CDH18: variants seen among roughly 807,000 people sequenced by gnomAD.
CDH18 encodes cadherin 18.
CDH18 carries 31 observed loss-of-function variants against 67.9 expected under a neutral mutation model. The observed-to-expected ratio is 0.46, with a 90% CI of 0.34 to 0.62. The LOEUF is 0.62. Ranked by LOEUF, CDH18 falls within the 20% of genes least tolerant of loss-of-function variation. CDH18 has a pLI of 0.01. For synonymous variants in CDH18, 362 were observed against 347.2 expected, an observed-to-expected ratio of 1.04 and a Z score of -0.48; for missense variants, 890 against 975.5, an observed-to-expected ratio of 0.91 and a Z score of 1.17.
chr5:20,228,003 AATTT>A (rs1362024483), intron 2 of CDH18, among the ~76,000 whole-genome samples: 1 of 152,122 alleles, frequency 6.6e-6, no homozygotes, highest in Non-Finnish European at 1.5e-5. Flanking sequence ...ATCATCAAAT[AATTT>A]ATTTATGTTA....
At chr5:20,470,979 T>C (rs902627538) in intron 1 of CDH18, among the ~76,000 whole-genome samples, 4 of 152,194 alleles carry the variant, frequency 2.6e-5, no homozygotes, top group African/African-American at 9.7e-5. Context: ...GATGCTCCTC[T>C]TCTTTTCAGC....
intron 2 of CDH18, among the ~76,000 whole-genome samples, chr5:20,032,792 A>G (rs553914464): frequency 6.6e-6 from 1 of 152,162 alleles, no homozygotes; most frequent in Non-Finnish European, 1.5e-5. Context: ...GAAAAAAATA[A>G]TAAGTTGTTG....
intron 2 of CDH18, among the ~76,000 whole-genome samples, chr5:20,251,052 T>C (rs901270626): frequency 6.6e-6 from 1 of 152,146 alleles, no homozygotes; most frequent in East Asian, 1.9e-4. Flanking sequence ...AGCTTTAACT[T>C]GTAAGATAAA....
chr5:20,040,148 A>T (rs1401731490), intron 2 of CDH18, among the ~76,000 whole-genome samples: 9 of 152,158 alleles, frequency 5.9e-5, no homozygotes, highest in Non-Finnish European at 1.5e-5. Context: ...ATCCACAAAG[A>T]AATACTGTCT....
chr5:19,482,962 T>C (rs1739716526), intron 12 of CDH18, among the ~76,000 whole-genome samples: 1 of 152,148 alleles, frequency 6.6e-6, no homozygotes, highest in Non-Finnish European at 1.5e-5. Flanking sequence ...CTTGGTCAGA[T>C]TCATTTAGAA....
intron 2 of CDH18, among the ~76,000 whole-genome samples, chr5:20,094,337 C>A (rs2150565180): frequency 6.6e-6 from 1 of 152,106 alleles, no homozygotes; most frequent in East Asian, 1.9e-4. Flanking sequence ...TGTTTTGGTA[C>A]CAGTACCATG....
intron 11 of CDH18, among the ~76,000 whole-genome samples, chr5:19,488,683 A>G (rs1447441932): frequency 3.3e-5 from 5 of 152,216 alleles, no homozygotes; most frequent in African/African-American, 7.2e-5. Flanking sequence ...TACTTGATTA[A>G]TAATGATTTG....
chr5:19,897,752 T>G (rs1157599746), intron 2 of CDH18, among the ~76,000 whole-genome samples: 1 of 152,106 alleles, frequency 6.6e-6, no homozygotes, highest in Non-Finnish European at 1.5e-5. Context: ...TAATTACAAC[T>G]ATATGCACCA....
chr5:19,558,401 G>A (rs1458685334), intron 8 of CDH18, among the ~76,000 whole-genome samples: 4 of 151,958 alleles, frequency 2.6e-5, no homozygotes, highest in Non-Finnish European at 5.9e-5. Context: ...GATCATTAGT[G>A]AGATTAACTA....
intron 8 of CDH18, among the ~76,000 whole-genome samples, chr5:19,562,894 A>G (rs1383467699): frequency 2.6e-5 from 4 of 152,280 alleles, no homozygotes; most frequent in African/African-American, 7.2e-5. Flanking sequence ...AGAAATGTTG[A>G]TTCAGGGACT....
intron 2 of CDH18, among the ~76,000 whole-genome samples, chr5:20,227,056 C>CT (rs1245766873): frequency 6.6e-6 from 1 of 152,034 alleles, no homozygotes; most frequent in Non-Finnish European, 1.5e-5. Flanking sequence ...ATTTTCACCT[C>CT]TTTTTTTGCC....
chr5:20,039,560 G>C (rs188778299), intron 2 of CDH18, among the ~76,000 whole-genome samples: 7 of 152,198 alleles, frequency 4.6e-5, no homozygotes, highest in Non-Finnish European at 8.8e-5. Flanking sequence ...ACAATGATCT[G>C]ATCTTTGACA....
At chr5:19,680,101 A>T (rs1760068650) in intron 5 of CDH18, among the ~76,000 whole-genome samples, 1 of 152,016 alleles carries the variant, frequency 6.6e-6, no homozygotes, top group African/African-American at 2.4e-5. Context: ...TACATAGACC[A>T]ATGGAAAAGA....
intron 1 of CDH18, among the ~76,000 whole-genome samples, chr5:20,447,271 CA>C (rs1429195730): frequency 6.6e-6 from 1 of 151,760 alleles, no homozygotes; most frequent in Non-Finnish European, 1.5e-5. Flanking sequence ...CTCCAAAATT[CA>C]AATGTTGAAA....
intron 2 of CDH18, among the ~76,000 whole-genome samples, chr5:20,091,413 C>A (rs945113609): frequency 1.3e-5 from 2 of 152,044 alleles, no homozygotes; most frequent in Non-Finnish European, 2.9e-5. Context: ...ATTTCTTGAG[C>A]CCAGGAGTTT....
chr5:19,646,104 G>A (rs960206424), intron 5 of CDH18, among the ~76,000 whole-genome samples: 3 of 152,050 alleles, frequency 2.0e-5, no homozygotes, highest in Non-Finnish European at 4.4e-5. Context: ...TTAGATTCAG[G>A]ATGTATAATA....
In CDH18 at chr5:19,612,429, C is replaced by T. The variant is rs1749127093; in HGVS notation, c.811+5G>A. 3.1e-6 allele frequency: 5 copies of T among 1,613,044 alleles called. No individual in the cohort carries two copies. Among genetic ancestry groups the T allele is most frequent in the South Asian group, 1.1e-5 (1 of 90,960 alleles). On this transcript the variant is annotated splice_donor_5th_base_variant and intron_variant, in intron 6 of 12. Transcript: ENST00000382275. ...AAATTCAAATCATGGAAAACAAATACGTACTTTGAGGAAAGCGTGGTGGGT... is the reference window on the plus strand; with the variant it reads ...AAATTCAAATCATGGAAAACAAATATGTACTTTGAGGAAAGCGTGGTGGGT...
intron 12 of CDH18, among the ~76,000 whole-genome samples, chr5:19,475,515 T>C (rs879737782): frequency 6.7e-6 from 1 of 148,558 alleles, no homozygotes; most frequent in Non-Finnish European, 1.5e-5. Context: ...AAACTATTGT[T>C]GGTTGGAGAC....
chr5:20,174,714 G>A (rs2126662680), intron 2 of CDH18, among the ~76,000 whole-genome samples: 1 of 152,202 alleles, frequency 6.6e-6, no homozygotes, highest in Non-Finnish European at 1.5e-5. Context: ...TACAATTTGT[G>A]TGTAAAATGA....
Sources: gnomAD v4.1 joint callset for allele counts (sites outside exome capture counted in the v4.1 genomes callset) on GRCh38, gnomAD v4.1.1 for gene constraint, MANE v1.5 for transcripts, NCBI Gene and HGNC (gene_info 2026-07-23, HGNC 2026-07-21) for gene names.